ROBO1: variants seen among roughly 807,000 people sequenced by gnomAD.
The protein encoded by ROBO1 is roundabout homolog 1.
ROBO1 carries 149 observed loss-of-function variants against 195.9 expected under a neutral mutation model. The ratio of observed to expected loss-of-function variants is 0.76; its 90% CI spans 0.67 to 0.87. The LOEUF (loss-of-function observed/expected upper bound fraction) is 0.87. Ranked by LOEUF, ROBO1 falls within the 40% of genes least tolerant of loss-of-function variation. The pLI, the probability that ROBO1 is intolerant of heterozygous loss-of-function variation, is 0.00. For synonymous variants in ROBO1, 816 were observed against 733.2 expected, an observed-to-expected ratio of 1.11 and a Z score of -1.82; for missense variants, 1,933 against 2,068.3, an observed-to-expected ratio of 0.93 and a Z score of 1.27.
chr3:78,902,676 C>G (rs2037657807), intron 4 of ROBO1, among the ~76,000 whole-genome samples: 1 of 152,028 alleles, frequency 6.6e-6, no homozygotes, highest in Non-Finnish European at 1.5e-5. Flanking sequence ...AACCCCATCT[C>G]TACTAAAAAG....
chr3:79,265,185 C>A (rs1339852823), intron 2 of ROBO1, among the ~76,000 whole-genome samples: 1 of 151,668 alleles, frequency 6.6e-6, no homozygotes, highest in African/African-American at 2.4e-5. Flanking sequence ...CCATGGAATT[C>A]AAAAGTAACA....
Position 79,512,457 on chromosome 3 carries a change from C to T in ROBO1, c.88+77367G>A, listed in dbSNP as rs538903287. On this transcript the variant is annotated intron_variant, in intron 2 of 30. Transcript: ENST00000464233. ...TACATACAGTAACTAATTTGGTTCTCCCAAACCTGCGAACTCGTTACGTGC... is the reference window on the plus strand; with the variant it reads ...TACATACAGTAACTAATTTGGTTCTTCCAAACCTGCGAACTCGTTACGTGC... Among the ~76,000 whole-genome samples, 74 of 152,248 alleles carry T rather than the reference C, an allele frequency of 4.9e-4. No homozygotes were observed. In the Middle Eastern group the frequency reaches 0.01, roughly 21 times the overall value.
intron 2 of ROBO1, among the ~76,000 whole-genome samples, chr3:79,557,174 G>T (rs1942733183): frequency 6.6e-6 from 1 of 151,642 alleles, no homozygotes; most frequent in South Asian, 2.1e-4. Context: ...TAATCTTAAA[G>T]CTTAGTAAAA....
At chr3:78,966,553 G>A (rs1028995572) in intron 3 of ROBO1, among the ~76,000 whole-genome samples, 1 of 152,154 alleles carries the variant, frequency 6.6e-6, no homozygotes, top group Non-Finnish European at 1.5e-5. Context: ...ATTAAAGTTT[G>A]AGAACACCTG....
chr3:78,851,073 G>A (rs2034030062), intron 4 of ROBO1, among the ~76,000 whole-genome samples: 1 of 152,028 alleles, frequency 6.6e-6, no homozygotes, highest in Non-Finnish European at 1.5e-5. Flanking sequence ...GCCTCCCAAA[G>A]CTGGGATTAC....
At chr3:79,609,468 G>A (rs1448267918) in intron 1 of ROBO1, among the ~76,000 whole-genome samples, 4 of 151,810 alleles carry the variant, frequency 2.6e-5, no homozygotes, top group Non-Finnish European at 5.9e-5. Context: ...AGTTAAGATA[G>A]AATTTCCACA....
At chr3:79,417,160 G>A (rs532273127) in intron 2 of ROBO1, among the ~76,000 whole-genome samples, 1 of 152,092 alleles carries the variant, frequency 6.6e-6, no homozygotes, top group East Asian at 1.9e-4. Flanking sequence ...TATTGAGAAG[G>A]GGGTGGAAAT....
intron 2 of ROBO1, among the ~76,000 whole-genome samples, chr3:79,511,074 G>T (rs1368793475): frequency 6.6e-6 from 1 of 152,010 alleles, no homozygotes; most frequent in Non-Finnish European, 1.5e-5. Flanking sequence ...AGATACTCGG[G>T]ATGACCATCA....
At chr3:78,779,024 A>G (rs920887457) in intron 4 of ROBO1, among the ~76,000 whole-genome samples, 1 of 152,232 alleles carries the variant, frequency 6.6e-6, no homozygotes, top group Non-Finnish European at 1.5e-5. Context: ...CCTATTTAAT[A>G]AATGGTGCTG....
intron 24 of ROBO1, 147 bp downstream of exon 24, chr3:78,633,788 G>A (rs1705321108): frequency 4.4e-6 from 2 of 452,378 alleles, no homozygotes; most frequent in Admixed American, 8.2e-5. Flanking sequence ...CCCTCAAATT[G>A]CAGAGACAAG....
rs552473707 is a variant in ROBO1, at chr3:78,873,459, A to AT, written c.499+65141dup. 5.2e-3 allele frequency among the ~76,000 whole-genome samples: 788 copies of AT among 151,698 alleles called. 12 individuals carry two copies. Among genetic ancestry groups the AT allele is most frequent in the South Asian group, 0.031 (151 of 4,794 alleles). On this transcript the variant is annotated intron_variant, in intron 4 of 30. Coordinates refer to ENST00000464233, the MANE Select transcript of ROBO1 (RefSeq NM_002941.4). ...AACAACATCAAAAACATGAATTCCA[A>AT]TTTTTTTTTCCAGAGTGATAGTGTA...
intron 2 of ROBO1, among the ~76,000 whole-genome samples, chr3:79,525,827 T>C (rs1941411420): frequency 6.6e-6 from 1 of 151,918 alleles, no homozygotes. Flanking sequence ...AGGCTGGGTC[T>C]TGAACTCCTG....
intron 3 of ROBO1, among the ~76,000 whole-genome samples, chr3:79,085,394 G>A (rs1262307775): frequency 6.6e-6 from 1 of 152,190 alleles, no homozygotes; most frequent in Non-Finnish European, 1.5e-5. Flanking sequence ...GTTGAGTCAT[G>A]TTGATTTAAT....
chr3:79,700,317 T>TTGTGTGTGTGTGTTTGTGTGTGTG (rs1947583071), intron 1 of ROBO1, among the ~76,000 whole-genome samples: 3 of 144,148 alleles, frequency 2.1e-5, no homozygotes, highest in Non-Finnish European at 4.5e-5. Flanking sequence ...GTGTGTGTGT[T>TTGTGTGTGTGTGTTTGTGTGTGTG]TGTGTGTGTG....
chr3:79,274,639 G>T (rs2030868238), intron 2 of ROBO1, among the ~76,000 whole-genome samples: 2 of 151,472 alleles, frequency 1.3e-5, no homozygotes, highest in African/African-American at 4.8e-5. Flanking sequence ...AAATAATAAA[G>T]ATCTGAGCAG....
intron 4 of ROBO1, among the ~76,000 whole-genome samples, chr3:78,926,303 A>G (rs143474495): frequency 5.7e-4 from 87 of 152,350 alleles, no homozygotes; most frequent in African/African-American, 1.9e-3. Context: ...GTGAGCATCT[A>G]GAGGGACTGA....
chr3:79,358,830 CTT>C (rs1165286616), intron 2 of ROBO1, among the ~76,000 whole-genome samples: 1 of 152,072 alleles, frequency 6.6e-6, no homozygotes, highest in African/African-American at 2.4e-5. Context: ...AAATGACACA[CTT>C]TCACACATTT....
intron 2 of ROBO1, among the ~76,000 whole-genome samples, chr3:79,528,317 AT>A (rs1363580570): frequency 6.6e-6 from 1 of 152,132 alleles, no homozygotes; most frequent in African/African-American, 2.4e-5. Context: ...TTTGCAAAAA[AT>A]GCTTTCTGGG....
chr3:79,524,589 T>G (rs1941350404), intron 2 of ROBO1, among the ~76,000 whole-genome samples: 1 of 152,182 alleles, frequency 6.6e-6, no homozygotes, highest in Admixed American at 6.5e-5. Flanking sequence ...TTTTTAAAGC[T>G]AAGTATTGCA....
Sources: gnomAD v4.1 joint callset for allele counts (sites outside exome capture counted in the v4.1 genomes callset) on GRCh38, gnomAD v4.1.1 for gene constraint, MANE v1.5 for transcripts, NCBI Gene and HGNC (gene_info 2026-07-23, HGNC 2026-07-21) for gene names.